FSTL5: variants seen among roughly 807,000 people sequenced by gnomAD.
The protein encoded by FSTL5 is follistatin-related protein 5.
Under a neutral mutation model 89.1 loss-of-function variants are expected in FSTL5, and 62 were observed. The ratio of observed to expected loss-of-function variants is 0.70; its 90% CI spans 0.57 to 0.86. The LOEUF (loss-of-function observed/expected upper bound fraction) is 0.86. Among genes scored for constraint, FSTL5 ranks in the 40% least tolerant of loss-of-function variants. The pLI, the probability that FSTL5 is intolerant of heterozygous loss-of-function variation, is 0.00. For missense variants in FSTL5, 1,057 were observed against 1,001.6 expected, an observed-to-expected ratio of 1.06 and a Z score of -0.75; for synonymous variants, 383 against 346.2, an observed-to-expected ratio of 1.11 and a Z score of -1.18.
At chr4:161,416,958 T>A (rs1032655872) in intron 15 of FSTL5, among the ~76,000 whole-genome samples, 1 of 152,064 alleles carries the variant, frequency 6.6e-6, no homozygotes, top group Non-Finnish European at 1.5e-5. Context: ...TCTCTACCTA[T>A]CTCTTTTCTA....
intron 3 of FSTL5, among the ~76,000 whole-genome samples, chr4:162,020,486 C>T (rs370823277): frequency 1.8e-4 from 27 of 152,036 alleles, no homozygotes; most frequent in Non-Finnish European, 2.2e-4. Flanking sequence ...AAAACTGCTT[C>T]TAATACTTCT....
intron 15 of FSTL5, among the ~76,000 whole-genome samples, chr4:161,402,144 T>G (rs528067240): frequency 6.6e-6 from 1 of 152,264 alleles, no homozygotes; most frequent in South Asian, 2.1e-4. Context: ...ACACTTTTAA[T>G]GGAAGCCTGG....
intron 14 of FSTL5, among the ~76,000 whole-genome samples, chr4:161,455,805 G>T: frequency 6.6e-6 from 1 of 151,916 alleles, no homozygotes; most frequent in East Asian, 1.9e-4. Flanking sequence ...AACTTTCATT[G>T]TTCCTACTGC....
chr4:161,564,440 T>C (rs1306739054), intron 8 of FSTL5, among the ~76,000 whole-genome samples: 7 of 151,064 alleles, frequency 4.6e-5, no homozygotes, highest in African/African-American at 1.4e-4. Context: ...CTATTTACCA[T>C]ATGTTTTGCT....
chr4:161,712,830 C>T lies in FSTL5; in HGVS notation c.727+46581G>A, dbSNP rs566486484. ...GATCTCATTGCTTAAAAGGGCTTGA[C>T]CCCTCACCCCCCTCTCTCTCGTTCC... On this transcript the variant is annotated intron_variant, in intron 6 of 15. Coordinates refer to ENST00000306100, the MANE Select transcript of FSTL5 (RefSeq NM_020116.5). Among the ~76,000 whole-genome samples the T allele has an allele frequency of 1.0e-3, 156 of 152,096 alleles. 1 individual carries two copies. Among genetic ancestry groups the T allele is most frequent in the African/African-American group, 3.6e-3 (149 of 41,494 alleles).
intron 10 of FSTL5, among the ~76,000 whole-genome samples, chr4:161,512,895 A>T (rs1730693749): frequency 6.6e-6 from 1 of 152,154 alleles, no homozygotes; most frequent in Admixed American, 6.5e-5. Flanking sequence ...CAATACAATT[A>T]TCAAGATTGA....
intron 6 of FSTL5, among the ~76,000 whole-genome samples, chr4:161,692,164 G>A (rs955699653): frequency 1.3e-5 from 2 of 151,872 alleles, no homozygotes; most frequent in Non-Finnish European, 2.9e-5. Flanking sequence ...TCTGACATTA[G>A]GAGAAAAGCT....
intron 7 of FSTL5, 22 bp from the exon 8 acceptor site, chr4:161,587,597 A>T (rs1410188890): frequency 6.4e-7 from 1 of 1,565,786 alleles, no homozygotes; most frequent in East Asian, 2.3e-5. Context: ...AAAATAAAAC[A>T]AGGTGTTTGC....
intron 3 of FSTL5, among the ~76,000 whole-genome samples, chr4:162,026,446 T>C (rs1737296786): frequency 6.6e-6 from 1 of 151,736 alleles, no homozygotes; most frequent in Non-Finnish European, 1.5e-5. Context: ...TAGCTGGAAT[T>C]ACAGGTGCCC....
At chr4:161,603,855 T>A (rs1455101814) in intron 7 of FSTL5, among the ~76,000 whole-genome samples, 2 of 151,892 alleles carry the variant, frequency 1.3e-5, no homozygotes, top group Non-Finnish European at 2.9e-5. Flanking sequence ...TTAAGAAAAA[T>A]CAGGATGTGG....
chr4:161,439,413 G>C (rs922475037), intron 15 of FSTL5, among the ~76,000 whole-genome samples: 2 of 152,290 alleles, frequency 1.3e-5, no homozygotes, highest in Admixed American at 1.3e-4. Flanking sequence ...CCAGACTACG[G>C]TTTGTTTCTC....
intron 4 of FSTL5, among the ~76,000 whole-genome samples, chr4:161,834,541 A>G (rs2126865256): frequency 6.6e-6 from 1 of 152,314 alleles, no homozygotes; most frequent in South Asian, 2.1e-4. Context: ...ATGATTGTAT[A>G]TCTAGAAAAC....
At chr4:161,540,174 G>A (rs1731771511) in intron 9 of FSTL5, among the ~76,000 whole-genome samples, 1 of 152,088 alleles carries the variant, frequency 6.6e-6, no homozygotes, top group Admixed American at 6.6e-5. Context: ...ACTAGAATAA[G>A]CTAACCCATC....
At chr4:162,074,469 G>C (rs1226860749) in intron 2 of FSTL5, among the ~76,000 whole-genome samples, 1 of 151,420 alleles carries the variant, frequency 6.6e-6, no homozygotes, top group Non-Finnish European at 1.5e-5. Flanking sequence ...ACGTATCAAG[G>C]ATTTAATCAT....
chr4:161,775,852 T>C, intron 5 of FSTL5, 26 bp downstream of exon 5: 1 of 1,217,764 alleles, frequency 8.2e-7, no homozygotes, highest in Non-Finnish European at 1.1e-6. Context: ...TTTCAGTAAG[T>C]TTGTTAATAT....
At chr4:161,772,742 A>G (rs2126801298) in intron 5 of FSTL5, among the ~76,000 whole-genome samples, 1 of 152,304 alleles carries the variant, frequency 6.6e-6, no homozygotes, top group Non-Finnish European at 1.5e-5. Context: ...GATAGGTAAA[A>G]TCAATTTTGT....
chr4:161,820,570 A>G (rs1223227147), intron 4 of FSTL5, among the ~76,000 whole-genome samples: 1 of 152,202 alleles, frequency 6.6e-6, no homozygotes, highest in African/African-American at 2.4e-5. Context: ...GTACGGTCAA[A>G]TCACAGATAT....
intron 3 of FSTL5, among the ~76,000 whole-genome samples, chr4:161,962,131 A>C (rs966134940): frequency 6.6e-6 from 1 of 151,976 alleles, no homozygotes; most frequent in Non-Finnish European, 1.5e-5. Context: ...ATATGAGTAC[A>C]ATCTAATAAA....
At chr4:161,780,252 C>T (rs146177691) in intron 4 of FSTL5, among the ~76,000 whole-genome samples, 3 of 151,212 alleles carry the variant, frequency 2.0e-5, no homozygotes, top group South Asian at 2.1e-4. Context: ...ACATCTAGCA[C>T]GGTTAATACA....
Sources: allele counts gnomAD v4.1 joint callset (sites outside exome capture counted in the v4.1 genomes callset), GRCh38; gene constraint gnomAD v4.1.1; transcripts MANE v1.5; gene names NCBI Gene and HGNC (gene_info 2026-07-23, HGNC 2026-07-21).